Variants in SLCO3A1 observed in about 807,000 individuals in gnomAD.
The protein encoded by SLCO3A1 is PGE1 transporter.
A neutral mutation model predicts 63.1 loss-of-function variants in SLCO3A1; 27 were observed. The ratio of observed to expected loss-of-function variants is 0.43; its 90% CI spans 0.32 to 0.59. SLCO3A1 has a LOEUF of 0.59. Among genes scored for constraint, SLCO3A1 ranks in the 20% least tolerant of loss-of-function variants. SLCO3A1 has a pLI of 0.09. For synonymous variants in SLCO3A1, 473 were observed against 409.9 expected, an observed-to-expected ratio of 1.15 and a Z score of -1.86; for missense variants, 773 against 945.8, an observed-to-expected ratio of 0.82 and a Z score of 2.40.
intron 2 of SLCO3A1, among the ~76,000 whole-genome samples, chr15:92,053,902 G>A (rs184781184): frequency 6.6e-6 from 1 of 151,978 alleles, no homozygotes; most frequent in African/African-American, 2.4e-5. Context: ...CTGCTGTTTG[G>A]CAGGAAGTCA....
At chr15:92,019,502 G>A (rs1485568996) in intron 2 of SLCO3A1, among the ~76,000 whole-genome samples, 1 of 152,178 alleles carries the variant, frequency 6.6e-6, no homozygotes, top group Middle Eastern at 3.2e-3. Flanking sequence ...CCTGCCCTAG[G>A]CCCAGGAGAG....
rs1386980843 is a variant in SLCO3A1 at position 92,104,498 on chromosome 15, C to T, written c.965C>T (p.Pro322Leu). The T allele has an allele frequency of 2.5e-6, 4 of 1,613,888 alleles. No homozygotes were observed. The highest frequency in any genetic ancestry group is 1.3e-5 in the African/African-American group (1 of 74,896). ...CCCAGCAACGGGGTCCTGAGGCACC[C>T]CCTGGAGCCAGACAGCAGTGCCTCC... Reference protein sequence around the residue: ...PKPSNGVLRHPLEPDSSASCF... With the variant: ...PKPSNGVLRHLLEPDSSASCF... Residue 322 changes from proline (P) to leucine (L), a missense_variant, in exon 4 of 10, where the codon CCC becomes CTC. Physicochemically the swap from Pro to Leu is moderately conservative, Grantham distance 98. Around this residue, in one of 3 missense-constraint regions of SLCO3A1, gnomAD observed 565 missense variants for 749.8 expected, o/e 0.75. Coordinates refer to ENST00000318445, the MANE Select transcript of SLCO3A1 (RefSeq NM_013272.4).
At chr15:91,978,385 A>C (rs931454993) in intron 2 of SLCO3A1, among the ~76,000 whole-genome samples, 3 of 152,202 alleles carry the variant, frequency 2.0e-5, no homozygotes, top group Admixed American at 2.0e-4. Flanking sequence ...GCATCCACGC[A>C]AGGAAAAAGC....
At chr15:92,172,370 TATGTG>T (rs1388723695) in exon 11 of SLCO3A1, 1 of 153,476 alleles carries the variant, frequency 6.5e-6, no homozygotes, top group Non-Finnish European at 1.5e-5. Flanking sequence ...AGTTTAGAAA[TATGTG>T]ATGTAAAGTA....
Position 92,014,270 on chromosome 15 carries a change from G to A in SLCO3A1, c.647-80611G>A, listed in dbSNP as rs147325357. Among the ~76,000 whole-genome samples, 363 of 152,182 alleles carry A rather than the reference G, an allele frequency of 2.4e-3. 1 individual carries two copies. The highest frequency in any genetic ancestry group is 7.8e-3 in the African/African-American group (323 of 41,520). ...GCCACGGGGGCAGTGGACCACCTGC[G>A]GCTCTTTTAAGTGCAACTCCGGTTC... On this transcript the variant is annotated intron_variant, in intron 2 of 9. Transcript: ENST00000318445.
At chr15:92,157,266 AAG>A (rs1173017845) in intron 9 of SLCO3A1, 2 of 152,178 alleles carry the variant, frequency 1.3e-5, no homozygotes, top group African/African-American at 4.8e-5. Context: ...AGATAAAAAA[AAG>A]AGAGAGAACT....
rs1423135638 is a variant in SLCO3A1 at position 91,954,353 on chromosome 15, A to T, written c.646+37895A>T. Among the ~76,000 whole-genome samples the T allele has an allele frequency of 3.3e-5, 5 of 152,196 alleles. No individual in the cohort carries two copies. The highest frequency in any genetic ancestry group is 7.3e-5 in the Non-Finnish European group (5 of 68,044). On this transcript the variant is annotated intron_variant, in intron 2 of 9. Transcript: ENST00000318445. The surrounding 1 kb of genome is among the most constrained non-coding windows in gnomAD (Gnocchi z 4.7). ...GCAGATCCTGAATGCCATCTGCAGG[A>T]CGGGCACTGTGCTGAGCCTCAGCCA... is the stretch of plus-strand genomic sequence containing the variant.
rs563094636 is a variant in SLCO3A1, at chr15:91,898,575, A to G, written c.181-17418A>G. The stretch of plus-strand genomic sequence containing the variant: ...AGTGGATCTGGGAAAACTCAGCTAA[A>G]GGAATTTAACATTTCGATCCGCAAG... On this transcript the variant is annotated intron_variant, in intron 1 of 9. Coordinates refer to ENST00000318445, the MANE Select transcript of SLCO3A1 (RefSeq NM_013272.4). Among the ~76,000 whole-genome samples the G allele has an allele frequency of 1.4e-4, 21 of 152,290 alleles. No homozygotes were observed. The South Asian group carries it at 4.1e-3, about 30-fold the overall frequency.
Position 91,875,486 on chromosome 15 carries a change from T to G in SLCO3A1, c.180+21398T>G, listed in dbSNP as rs1185607462. Among the ~76,000 whole-genome samples, 1 of 152,198 alleles carries G rather than the reference T, an allele frequency of 6.6e-6. No homozygotes were observed. Among genetic ancestry groups the G allele is most frequent in the African/African-American group, 2.4e-5 (1 of 41,456 alleles). On this transcript the variant is annotated intron_variant, in intron 1 of 9. Transcript: ENST00000318445. This position sits in a 1 kb window ranked among gnomAD's most constrained non-coding sequence, Gnocchi z 4.5. ...CTGCCCGTCACATGTGACGTAAACC[T>G]AGGTTGGTTCCTCCCCCGTCAGTTG...
At chr15:92,100,190 C>A (rs976420847) in intron 3 of SLCO3A1, among the ~76,000 whole-genome samples, 2 of 152,186 alleles carry the variant, frequency 1.3e-5, no homozygotes, top group African/African-American at 2.4e-5. Flanking sequence ...ACAGATATTT[C>A]ATGGTACACC....
intron 2 of SLCO3A1, among the ~76,000 whole-genome samples, chr15:92,035,253 A>C (rs954425186): frequency 6.6e-6 from 1 of 151,832 alleles, no homozygotes; most frequent in African/African-American, 2.4e-5. Context: ...CCCCAAATCA[A>C]AATTGCTCTG....
intron 2 of SLCO3A1, among the ~76,000 whole-genome samples, chr15:92,047,060 A>C (rs11637741): frequency 5.8e-5 from 1 of 17,350 alleles, no homozygotes. Flanking sequence ...ATAATATATA[A>C]ATATATATAC....
rs191693023 is a variant in SLCO3A1 at position 92,033,957 on chromosome 15, G to A, written c.647-60924G>A. Among the ~76,000 whole-genome samples the A allele has an allele frequency of 9.2e-5, 14 of 152,056 alleles. No individual in the cohort carries two copies. The highest frequency in any genetic ancestry group is 2.1e-4 in the Non-Finnish European group (14 of 68,008). On this transcript the variant is annotated intron_variant, in intron 2 of 9. Transcript: ENST00000318445. The surrounding 1 kb of genome is among the most constrained non-coding windows in gnomAD (Gnocchi z 4.5). ...CGCATGGGTGGGACCCAGTGAGGGA[G>A]GGGGAGGAGCAGAATGAATGGGGGC...
intron 2 of SLCO3A1, among the ~76,000 whole-genome samples, chr15:91,982,375 T>C (rs1256210083): frequency 6.6e-6 from 1 of 152,110 alleles, no homozygotes; most frequent in African/African-American, 2.4e-5. Flanking sequence ...GGCGAAAGAG[T>C]TGTAGTTTCT....
intron 2 of SLCO3A1, among the ~76,000 whole-genome samples, chr15:92,083,743 GGTGATTT>G (rs1221262536): frequency 6.6e-6 from 1 of 152,128 alleles, no homozygotes; most frequent in African/African-American, 2.4e-5. Context: ...GGTGAGAGAT[GGTGATTT>G]GTGCTGTCAT....
intron 2 of SLCO3A1, among the ~76,000 whole-genome samples, chr15:92,059,206 T>C (rs1485702660): frequency 6.6e-6 from 1 of 152,188 alleles, no homozygotes; most frequent in Non-Finnish European, 1.5e-5. Context: ...GGGGGGTGTT[T>C]CCTGTCACAG....
In SLCO3A1 at chr15:91,991,635, A is replaced by C. The variant is rs2046127387; in HGVS notation, c.646+75177A>C. Among the ~76,000 whole-genome samples, 5 of 152,258 alleles carry C rather than the reference A, an allele frequency of 3.3e-5. No homozygotes were observed. In the South Asian group the frequency reaches 1.0e-3, roughly 32 times the overall value. ...AATTTTAATATTTTTAATTTAGTCA[A>C]GATTTCCCAAATATCATTTCAACAT... On this transcript the variant is annotated intron_variant, in intron 2 of 9. Coordinates refer to ENST00000318445, the MANE Select transcript of SLCO3A1 (RefSeq NM_013272.4).
At chr15:92,137,628 A>G (rs1450532748) in intron 7 of SLCO3A1, among the ~76,000 whole-genome samples, 1 of 109,524 alleles carries the variant, frequency 9.1e-6, no homozygotes, top group South Asian at 2.6e-4. Flanking sequence ...CATCCTCTCC[A>G]GCACCTGTTG....
At chr15:92,143,559 C>T (rs1288227380) in intron 7 of SLCO3A1, among the ~76,000 whole-genome samples, 1 of 124,902 alleles carries the variant, frequency 8.0e-6, no homozygotes, top group Non-Finnish European at 1.6e-5. Context: ...GGAATACGGC[C>T]ACAGTGGTCT....
Sources: allele counts gnomAD v4.1 joint callset (sites outside exome capture counted in the v4.1 genomes callset), GRCh38; gene constraint gnomAD v4.1.1; regional missense constraint gnomAD v4.1.1; non-coding constraint Gnocchi (gnomAD v3.1); transcripts MANE v1.5; gene names NCBI Gene and HGNC (gene_info 2026-07-23, HGNC 2026-07-21).